ARHGAP44: variants seen among roughly 807,000 people sequenced by gnomAD.
ARHGAP44 encodes the protein rho GTPase-activating protein 44.
In ARHGAP44, 43 loss-of-function variants were observed where a neutral mutation model predicts 106.8. The observed-to-expected ratio is 0.40, with a 90% confidence interval of 0.32 to 0.52. The LOEUF (loss-of-function observed/expected upper bound fraction) is 0.52. Ranked by LOEUF, ARHGAP44 falls within the 20% of genes least tolerant of loss-of-function variation. ARHGAP44 has a pLI of 0.48. For missense variants in ARHGAP44, 866 were observed against 1,050.5 expected (o/e 0.82, Z 2.43); for synonymous variants, 439 against 410.3 (o/e 1.07, Z -0.85).
intron 1 of ARHGAP44, among the ~76,000 whole-genome samples, chr17:12,804,510 T>C (rs1295568517): frequency 1.3e-5 from 2 of 152,210 alleles, no homozygotes; most frequent in Admixed American, 1.3e-4. Flanking sequence ...GAGGAAAGTA[T>C]TCAAGTAAAC....
At chr17:12,889,946 G>A (rs1197910469) in intron 1 of ARHGAP44, among the ~76,000 whole-genome samples, 2 of 152,232 alleles carry the variant, frequency 1.3e-5, no homozygotes, top group East Asian at 3.8e-4. Context: ...TAAAGCTAGA[G>A]AATCATTTTT....
At chr17:12,853,913 C>T (rs1164879012) in intron 1 of ARHGAP44, among the ~76,000 whole-genome samples, 1 of 152,150 alleles carries the variant, frequency 6.6e-6, no homozygotes, top group Admixed American at 6.5e-5. Flanking sequence ...GCCTCTTGTC[C>T]CAATTCCCCA....
rs2036289635 is a variant in ARHGAP44 at position 12,868,174 on chromosome 17, T to G, written c.54-26766T>G. 2.0e-5 allele frequency among the ~76,000 whole-genome samples: 3 copies of G among 152,156 alleles called. No homozygotes were observed. The South Asian group carries it at 6.2e-4, about 32-fold the overall frequency. On this transcript the variant is annotated intron_variant, in intron 1 of 20. Transcript: ENST00000379672. ...CGGAGGGTCGTTTTCCTCTGAGGGC[T>G]CTCTCCTTATATTGTAGATGCCATC...
chr17:12,969,129 TAGGA>T (rs911801435), intron 16 of ARHGAP44, among the ~76,000 whole-genome samples: 2 of 152,106 alleles, frequency 1.3e-5, no homozygotes, highest in Non-Finnish European at 2.9e-5. Flanking sequence ...GGGTCACTGT[TAGGA>T]AGGGAAGAAA....
At chr17:12,800,840 C>G (rs374211153) in intron 1 of ARHGAP44, among the ~76,000 whole-genome samples, 1 of 152,098 alleles carries the variant, frequency 6.6e-6, no homozygotes, top group Non-Finnish European at 1.5e-5. Context: ...CTGCTTCTCT[C>G]CCCCTAATCT....
Position 12,974,254 on chromosome 17 carries a change from G to A in ARHGAP44, c.1707G>A (p.Ala569=). The A allele has an allele frequency of 1.3e-6, 2 of 1,518,936 alleles. No individual in the cohort carries two copies. Among genetic ancestry groups the A allele is most frequent in the African/African-American group, 1.4e-5 (1 of 70,064 alleles). The allele number at this position is 1,518,936 out of a possible 1,614,324, so 94.1% of individuals were successfully genotyped here. Residue 569 remains alanine, a synonymous_variant, in exon 18 of 21, where the codon GCG becomes GCA. Transcript: ENST00000379672. The part of the protein sequence containing the change: ...PLPEQPLDSP[A]APALSPSGLG... ...CGGAGCAGCCCCTGGACAGCCCCGC[G>A]GCCCCCGCGCTCTCTCCATCCGGCC...
At chr17:12,902,217 C>T (rs910079625) in intron 3 of ARHGAP44, among the ~76,000 whole-genome samples, 1 of 152,166 alleles carries the variant, frequency 6.6e-6, no homozygotes, top group Non-Finnish European at 1.5e-5. Flanking sequence ...CCTCTGTCAT[C>T]ATTCTTCAGC....
Position 12,896,398 on chromosome 17 carries a change from T to C in ARHGAP44, c.94-9T>C. 6.3e-7 allele frequency: 1 copy of C among 1,586,552 alleles called. No homozygotes were observed. The highest frequency in any genetic ancestry group is 8.6e-7 in the Non-Finnish European group (1 of 1,166,746). On this transcript the variant is annotated splice_polypyrimidine_tract_variant and intron_variant, in intron 2 of 20. Coordinates refer to ENST00000379672, the MANE Select transcript of ARHGAP44 (RefSeq NM_014859.6). ...CTCTCAGTGGCACCACCCGCTCTTC[T>C]CTCTGCAGGTGGAGAAGCGTCTGGA...
rs2039178236 is a variant in ARHGAP44 at position 12,958,347 on chromosome 17, G to GT, written c.1343-369dup. Among the ~76,000 whole-genome samples the GT allele has an allele frequency of 6.6e-6, 1 of 152,118 alleles. No homozygotes were observed. Among genetic ancestry groups the GT allele is most frequent in the Non-Finnish European group, 1.5e-5 (1 of 68,028 alleles). ...GCTAGTGTTTCTCAAATGGTGTTAA[G>GT]TAATGGTAGTGGTAGTGAGCATTGC... On this transcript the variant is annotated intron_variant, in intron 15 of 20. Transcript: ENST00000379672. The surrounding 1 kb of genome is among the most constrained non-coding windows in gnomAD (Gnocchi z 4.1).
intron 18 of ARHGAP44, among the ~76,000 whole-genome samples, chr17:12,977,713 C>G (rs977288971): frequency 6.6e-6 from 1 of 152,108 alleles, no homozygotes; most frequent in South Asian, 2.1e-4. Context: ...GAGGACAAGG[C>G]TAAGTGGGTA....
At chr17:12,904,714 G>C (rs140672346) in intron 3 of ARHGAP44, among the ~76,000 whole-genome samples, 2 of 152,150 alleles carry the variant, frequency 1.3e-5, no homozygotes, top group Non-Finnish European at 2.9e-5. Context: ...GTATGCTAAC[G>C]TGGGGAGAAA....
At chr17:12,952,303 CTG>C (rs1717796205) in intron 12 of ARHGAP44, among the ~76,000 whole-genome samples, 196 bp from the exon 13 acceptor site, 1 of 152,110 alleles carries the variant, frequency 6.6e-6, no homozygotes, top group Non-Finnish European at 1.5e-5. Context: ...GGAGGAAGCA[CTG>C]TTAAAATCGC....
chr17:12,956,206 TCTC>T (rs2039123042), intron 14 of ARHGAP44, among the ~76,000 whole-genome samples: 1 of 152,108 alleles, frequency 6.6e-6, no homozygotes, highest in African/African-American at 2.4e-5. Flanking sequence ...GTCAGGGTCT[TCTC>T]TGAGCTAATT....
chr17:12,840,982 C>G (rs2035373738), intron 1 of ARHGAP44, among the ~76,000 whole-genome samples: 1 of 152,142 alleles, frequency 6.6e-6, no homozygotes, highest in Admixed American at 6.5e-5. Flanking sequence ...GCCTGGTACC[C>G]TCATAGTGTG....
chr17:12,803,931 A>G (rs1265625649), intron 1 of ARHGAP44, among the ~76,000 whole-genome samples: 1 of 152,166 alleles, frequency 6.6e-6, no homozygotes. Context: ...ACTCGTGATC[A>G]TTTGTATCTC....
rs114995141 is a variant in ARHGAP44, at chr17:12,973,606, G to A, written c.1541+287G>A. ...GGGGCTAGACTCCAAGTTACAAAAA[G>A]AAGGATTCATATTTAGATGTCTCCT... is the stretch of plus-strand genomic sequence containing the variant. On this transcript the variant is annotated intron_variant, in intron 17 of 20. Coordinates refer to ENST00000379672, the MANE Select transcript of ARHGAP44 (RefSeq NM_014859.6). The A allele has an allele frequency of 8.5e-3, 4,485 of 529,314 alleles. 182 individuals are homozygous for A. The South Asian group carries it at 0.089, about 11-fold the overall frequency. 32.8% of individuals were successfully genotyped at this position (529,314 alleles called of 1,614,324 possible).
intron 19 of ARHGAP44, among the ~76,000 whole-genome samples, chr17:12,982,008 C>T (rs2143422351): frequency 6.6e-6 from 1 of 151,708 alleles, no homozygotes; most frequent in Admixed American, 6.5e-5. Flanking sequence ...AAAACTCTGT[C>T]TCCAAAAAAA....
rs2039795655 is a variant in ARHGAP44, at chr17:12,980,156, A to T, written c.1862A>T (p.Gln621Leu). Residue 621 changes from glutamine to leucine, a missense_variant, in exon 19 of 21, where the codon CAA (glutamine) becomes CTA (leucine). Transcript: ENST00000379672. ...TACAGTQPGA[Q>L]PGAQPGASPS... Reference sequence around the variant, plus strand: ...TGTGCAGGGACTCAACCAGGGGCTCAACCTGGAGCTCAGCCGGGCGCCAGC... The same window carrying T: ...TGTGCAGGGACTCAACCAGGGGCTCTACCTGGAGCTCAGCCGGGCGCCAGC... The T allele has an allele frequency of 1.2e-6, 2 of 1,613,580 alleles. No homozygotes were observed. The highest frequency in any genetic ancestry group is 1.7e-5 in the Admixed American group (1 of 60,004).
At chr17:12,954,218 A>G (rs539911859) in intron 13 of ARHGAP44, among the ~76,000 whole-genome samples, 1 of 152,278 alleles carries the variant, frequency 6.6e-6, no homozygotes, top group South Asian at 2.1e-4. Context: ...TTTAATCGGG[A>G]CAAGGTTTAG....
Sources: allele counts gnomAD v4.1 joint callset (sites outside exome capture counted in the v4.1 genomes callset), GRCh38; gene constraint gnomAD v4.1.1; non-coding constraint Gnocchi (gnomAD v3.1); transcripts MANE v1.5; gene names NCBI Gene and HGNC (gene_info 2026-07-23, HGNC 2026-07-21).